The following MYOF variants were observed in gnomAD, a reference collection of about 807,000 sequenced individuals.
MYOF encodes the protein myoferlin.
In MYOF, 244 loss-of-function variants were observed where a neutral mutation model predicts 284.2. That is an observed-to-expected ratio of 0.86 (90% CI 0.77 to 0.95). The LOEUF is 0.95. MYOF is among the 40% of genes least tolerant of loss of function. MYOF has a pLI of 0.00. For missense variants in MYOF, 2,496 were observed against 2,560.6 expected (o/e 0.97, Z 0.54); for synonymous variants, 904 against 919.7 (o/e 0.98, Z 0.31).
intron 1 of MYOF, among the ~76,000 whole-genome samples, chr10:93,459,182 A>G (rs696998): frequency 0.97 from 147,148 of 152,240 alleles, 71,314 homozygotes; most frequent in East Asian, 1. Flanking sequence ...GACGCTGTCC[A>G]GAAACTTCCC....
At chr10:93,332,276 G>A (rs949829126) in intron 43 of MYOF, among the ~76,000 whole-genome samples, 6 of 151,306 alleles carry the variant, frequency 4.0e-5, no homozygotes, top group Admixed American at 2.0e-4. Flanking sequence ...AGGCTGGAGT[G>A]CAATGGCGCG....
At chr10:93,424,143 C>T (rs966728758) in intron 5 of MYOF, among the ~76,000 whole-genome samples, 1 of 152,162 alleles carries the variant, frequency 6.6e-6, no homozygotes, top group Non-Finnish European at 1.5e-5. Context: ...GTTGCTTAAG[C>T]CACCCAGTTT....
chr10:93,307,303 AT>A (rs567093895), intron 53 of MYOF, among the ~76,000 whole-genome samples: 459 of 149,736 alleles, frequency 3.1e-3, no homozygotes, highest in Middle Eastern at 6.8e-3. Context: ...TTTTATTTTT[AT>A]TTTTTTTTTG....
At chr10:93,402,404 T>G in intron 10 of MYOF, 57 bp from the exon 11 acceptor site, 1 of 1,347,924 alleles carries the variant, frequency 7.4e-7, no homozygotes, top group Non-Finnish European at 1.1e-6. Context: ...CTGATAAGTC[T>G]GTGATTCCTC....
chr10:93,387,563 C>T (rs990287968), intron 19 of MYOF, among the ~76,000 whole-genome samples: 9 of 152,198 alleles, frequency 5.9e-5, no homozygotes, highest in African/African-American at 2.2e-4. Context: ...CCCCATGACC[C>T]CCAACGCCAG....
At chr10:93,393,516 T>C (rs565547900) in intron 16 of MYOF, among the ~76,000 whole-genome samples, 1 of 152,366 alleles carries the variant, frequency 6.6e-6, no homozygotes, top group East Asian at 1.9e-4. Flanking sequence ...AAACTGCTTG[T>C]AGCAATCTCT....
rs1339744195 is a variant in MYOF, at chr10:93,351,574, A to G, written c.3664-3T>C. 1.2e-6 allele frequency: 2 copies of G among 1,613,640 alleles called. No individual in the cohort carries two copies. The highest frequency in any genetic ancestry group is 2.2e-5 in the South Asian group (2 of 90,960). On this transcript the variant is annotated splice_region_variant and splice_polypyrimidine_tract_variant and intron_variant, in intron 33 of 53. Coordinates refer to ENST00000359263, the MANE Select transcript of MYOF (RefSeq NM_013451.4). ...CGTCCTAAAAATTCATCTTTGCCCT[A>G]GAGAAACAAAGTGATCCTTAAATTC...
chr10:93,465,529 T>C (rs1489894001), intron 1 of MYOF, among the ~76,000 whole-genome samples: 8 of 43,162 alleles, frequency 1.9e-4, no homozygotes, highest in Admixed American at 4.1e-4. Flanking sequence ...TCTTTCTTTT[T>C]TTTCTTTTCT....
chr10:93,358,386 T>G (rs1228991156), intron 29 of MYOF, among the ~76,000 whole-genome samples: 1 of 152,174 alleles, frequency 6.6e-6, no homozygotes, highest in East Asian at 1.9e-4. Flanking sequence ...TGGAAGACAG[T>G]GTGGCGATTC....
chr10:93,436,327 G>C (rs1164368160), intron 3 of MYOF, among the ~76,000 whole-genome samples: 1 of 152,140 alleles, frequency 6.6e-6, no homozygotes. Context: ...CAGGAAGGGA[G>C]TAAAATAACA....
In MYOF at chr10:93,349,763, C is replaced by T. The variant is rs1343743271; in HGVS notation, c.4083+45G>A. On this transcript the variant is annotated intron_variant, in intron 36 of 53. Transcript: ENST00000359263. ...TGTGTGTGTGTGAGGCACATACTTT[C>T]ATATTTCAACGCGCATGGGTGATCA... 4 of 1,597,412 alleles carry T rather than the reference C, an allele frequency of 2.5e-6. No homozygotes were observed. In the African/African-American group the frequency reaches 5.4e-5, roughly 21 times the overall value.
intron 25 of MYOF, among the ~76,000 whole-genome samples, chr10:93,366,956 T>C (rs1845353824): frequency 6.6e-6 from 1 of 152,218 alleles, no homozygotes; most frequent in South Asian, 2.1e-4. Flanking sequence ...AGCTTATGAA[T>C]GAGCAGATTT....
chr10:93,376,503 T>C (rs1353755207), intron 22 of MYOF, among the ~76,000 whole-genome samples: 4 of 147,490 alleles, frequency 2.7e-5, no homozygotes, highest in Non-Finnish European at 5.9e-5. Flanking sequence ...CATTCAGAAC[T>C]TAAACAAGCA....
intron 17 of MYOF, among the ~76,000 whole-genome samples, chr10:93,392,466 A>C (rs1357500615): frequency 6.6e-6 from 1 of 152,212 alleles, no homozygotes; most frequent in Non-Finnish European, 1.5e-5. Flanking sequence ...ATGTGTTATG[A>C]TCCCTCATTT....
chr10:93,374,656 A>T, intron 23 of MYOF, 107 bp downstream of exon 23: 1 of 1,170,236 alleles, frequency 8.5e-7, no homozygotes, highest in Admixed American at 2.5e-5. Context: ...GCTGCTCAAT[A>T]TCCAAGATAA....
rs545164119 is a variant in MYOF, at chr10:93,340,967, G to C, written c.4327-803C>G. Among the ~76,000 whole-genome samples the C allele has an allele frequency of 3.9e-5, 6 of 152,256 alleles. No homozygotes were observed. The South Asian group carries it at 1.2e-3, about 32-fold the overall frequency. On this transcript the variant is annotated intron_variant, in intron 38 of 53. Transcript: ENST00000359263. ...TTCATCCTGAAGGGCTCTTCCTCCGGTTGCCATGTGAGAGGCCATGGAGCT... is the reference window on the plus strand; with the variant it reads ...TTCATCCTGAAGGGCTCTTCCTCCGCTTGCCATGTGAGAGGCCATGGAGCT...
chr10:93,434,786 G>GT (rs1488222993), intron 3 of MYOF, among the ~76,000 whole-genome samples: 1 of 152,074 alleles, frequency 6.6e-6, no homozygotes, highest in Non-Finnish European at 1.5e-5. Context: ...AGATCAGTAT[G>GT]TTTTTTAGGC....
At chr10:93,406,887 T>C (rs982606368) in intron 7 of MYOF, among the ~76,000 whole-genome samples, 6 of 150,014 alleles carry the variant, frequency 4.0e-5, no homozygotes, top group African/African-American at 1.2e-4. Flanking sequence ...ATTAGAGCCG[T>C]AGGGAATGAA....
At chr10:93,397,154 C>A in intron 15 of MYOF, 93 bp downstream of exon 15, 2 of 1,165,240 alleles carry the variant, frequency 1.7e-6, no homozygotes, top group Non-Finnish European at 1.2e-6. Flanking sequence ...GGAAGGAAAG[C>A]AAAATACCAG....
Sources: allele counts gnomAD v4.1 joint callset (sites outside exome capture counted in the v4.1 genomes callset), GRCh38; gene constraint gnomAD v4.1.1; transcripts MANE v1.5; gene names NCBI Gene and HGNC (gene_info 2026-07-23, HGNC 2026-07-21).